Variants in GABRA3 observed in about 807,000 individuals in gnomAD.
GABRA3 encodes gamma-aminobutyric acid type A receptor subunit alpha3.
GABRA3 carries 10 observed loss-of-function variants against 30.1 expected under a neutral mutation model. The observed-to-expected ratio is 0.33, with a 90% CI of 0.20 to 0.56. The LOEUF is 0.56. GABRA3 is among the 20% of genes least tolerant of loss of function. The probability of loss-of-function intolerance (pLI) is 0.89; values close to 1 mark genes in which losing one functional copy is unlikely to be tolerated. For synonymous variants in GABRA3, 151 were observed against 146.8 expected (o/e 1.03, Z -0.21); for missense variants, 233 against 392.0 (o/e 0.59, Z 3.42).
At chrX:152,255,386 T>C (rs1204062816) in intron 5 of GABRA3, among the ~76,000 whole-genome samples, 1 of 112,405 alleles carries the variant, frequency 8.9e-6, no homozygotes, top group African/African-American at 3.2e-5. Flanking sequence ...GGATAGTTTG[T>C]TGTTGCAGTT....
chrX:152,182,310 T>C (rs180926061), intron 9 of GABRA3, among the ~76,000 whole-genome samples: 3,616 of 93,677 alleles, frequency 0.039, 91 homozygotes, highest in Non-Finnish European at 0.057. Context: ...TATATATATA[T>C]ATACACACAC....
chrX:152,372,136 C>T (rs1412719276), intron 1 of GABRA3, among the ~76,000 whole-genome samples: 1 of 110,608 alleles, frequency 9.0e-6, no homozygotes, highest in Non-Finnish European at 1.9e-5. Flanking sequence ...AGTCCATTCT[C>T]TGGACAGTAG....
At chrX:152,179,206 T>C (rs1937112674) in intron 9 of GABRA3, among the ~76,000 whole-genome samples, 1 of 111,935 alleles carries the variant, frequency 8.9e-6, no homozygotes, top group East Asian at 2.8e-4. Flanking sequence ...ATTTATCATG[T>C]ACAAAATGAT....
intron 9 of GABRA3, among the ~76,000 whole-genome samples, chrX:152,178,758 A>G (rs1937107044): frequency 9.0e-6 from 1 of 111,436 alleles, no homozygotes; most frequent in Admixed American, 9.6e-5. Context: ...AAAAAATTGA[A>G]GTTGAAAACT....
At chrX:152,262,920 G>A (rs1218026319) in intron 4 of GABRA3, among the ~76,000 whole-genome samples, 3 of 111,900 alleles carry the variant, frequency 2.7e-5, no homozygotes, top group African/African-American at 9.8e-5. Context: ...AACTTATAAG[G>A]GAAAGAAGCT....
intron 5 of GABRA3, among the ~76,000 whole-genome samples, chrX:152,230,919 C>A (rs1938055705): frequency 9.1e-6 from 1 of 109,946 alleles, no homozygotes. Context: ...ACACCAAAAT[C>A]ATGATGCATA....
At chrX:152,246,917 C>A (rs981824187) in intron 5 of GABRA3, among the ~76,000 whole-genome samples, 1 of 111,845 alleles carries the variant, frequency 8.9e-6, no homozygotes, top group South Asian at 3.7e-4. Context: ...ACATTAAATC[C>A]TATACAACTA....
chrX:152,218,138 C>T (rs979551901), intron 6 of GABRA3, among the ~76,000 whole-genome samples: 6 of 108,854 alleles, frequency 5.5e-5, no homozygotes, highest in African/African-American at 2.0e-4. Context: ...GCTGATGCAT[C>T]CCATAAGTTT....
intron 9 of GABRA3, among the ~76,000 whole-genome samples, chrX:152,176,669 G>C (rs979037128): frequency 1.8e-5 from 2 of 111,438 alleles, no homozygotes; most frequent in Admixed American, 1.9e-4. Flanking sequence ...GTTGTGTTTG[G>C]ATATGAGAAT....
chrX:152,305,874 G>A (rs113708869), intron 3 of GABRA3, among the ~76,000 whole-genome samples: 2,374 of 111,461 alleles, frequency 0.021, 73 homozygotes, highest in African/African-American at 0.074. Flanking sequence ...TGAATATATG[G>A]AAGCTTGATA....
At chrX:152,366,136 T>C (rs11795489) in intron 1 of GABRA3, among the ~76,000 whole-genome samples, 12,198 of 111,005 alleles carry the variant, frequency 0.11, 536 homozygotes, top group South Asian at 0.14. Context: ...ACTCCAAGCA[T>C]AAGTAACTTC....
intron 4 of GABRA3, among the ~76,000 whole-genome samples, chrX:152,277,107 A>T (rs1939100520): frequency 8.9e-6 from 1 of 111,740 alleles, no homozygotes; most frequent in African/African-American, 3.2e-5. Context: ...AAATAGAAAA[A>T]GGTTTTCATC....
chrX:152,241,994 C>G (rs1008686096), intron 5 of GABRA3, among the ~76,000 whole-genome samples: 1 of 111,656 alleles, frequency 9.0e-6, no homozygotes, highest in Non-Finnish European at 1.9e-5. Flanking sequence ...AGCTGTAGAC[C>G]GGAGCTGTTC....
intron 4 of GABRA3, among the ~76,000 whole-genome samples, chrX:152,282,166 TC>T (rs1939210008): frequency 9.0e-6 from 1 of 111,694 alleles, no homozygotes; most frequent in African/African-American, 3.3e-5. Context: ...AGCGTAATTT[TC>T]CCCCTTTGTG....
At chrX:152,334,137 CAG>C (rs1428364464) in intron 3 of GABRA3, among the ~76,000 whole-genome samples, 8 of 111,932 alleles carry the variant, frequency 7.1e-5, no homozygotes, top group Non-Finnish European at 1.5e-4. Flanking sequence ...GCCTAATAGA[CAG>C]AGAAAGAACA....
chrX:152,312,822 A>G (rs560896786), intron 3 of GABRA3, among the ~76,000 whole-genome samples: 10 of 112,243 alleles, frequency 8.9e-5, no homozygotes, highest in African/African-American at 3.2e-4. Context: ...TGGGAAAAGG[A>G]CATGAACAGA....
At chrX:152,317,617 C>T (rs1939898406) in intron 3 of GABRA3, among the ~76,000 whole-genome samples, 1 of 111,778 alleles carries the variant, frequency 8.9e-6, no homozygotes, top group African/African-American at 3.2e-5. Flanking sequence ...ATATCAAGTA[C>T]TCTCTCAGAC....
intron 1 of GABRA3, among the ~76,000 whole-genome samples, chrX:152,373,281 T>G (rs1928892914): frequency 9.0e-6 from 1 of 111,693 alleles, no homozygotes; most frequent in African/African-American, 3.3e-5. Context: ...GATGCTCTTC[T>G]TCCCCCAACC....
chrX:152,212,494 TA>T (rs1937644106), intron 6 of GABRA3, among the ~76,000 whole-genome samples: 1 of 108,832 alleles, frequency 9.2e-6, no homozygotes, highest in South Asian at 4.0e-4. Context: ...TGGACATGCC[TA>T]AAGGAGAGAG....
Sources: allele counts gnomAD v4.1 joint callset (sites outside exome capture counted in the v4.1 genomes callset), GRCh38; gene constraint gnomAD v4.1.1; transcripts MANE v1.5; gene names NCBI Gene and HGNC (gene_info 2026-07-23, HGNC 2026-07-21).